Variants in CEACAM7 observed in about 807,000 individuals in gnomAD.
CEACAM7 encodes CEA cell adhesion molecule 7.
Under a neutral mutation model 25.7 loss-of-function variants are expected in CEACAM7, and 24 were observed. That is an observed-to-expected ratio of 0.93 (90% CI 0.68 to 1.31). The LOEUF is 1.31. Ranked by LOEUF, CEACAM7 falls within the 40% of genes most tolerant of loss-of-function variation. The pLI is 0.00. For synonymous variants in CEACAM7, 144 were observed against 129.4 expected (o/e 1.11, Z -0.77); for missense variants, 324 against 330.1 (o/e 0.98, Z 0.14).
At chr19:41,681,793 A>T (rs532194854) in intron 3 of CEACAM7, among the ~76,000 whole-genome samples, 1 of 152,350 alleles carries the variant, frequency 6.6e-6, no homozygotes, top group Non-Finnish European at 1.5e-5. Context: ...ACAGACAGAC[A>T]GAAAGTAGAA....
chr19:41,687,025 A>G lies in CEACAM7; in HGVS notation c.261T>C (p.Ser87=). 2 of 1,613,620 alleles carry G rather than the reference A, an allele frequency of 1.2e-6. No homozygotes were observed. Among genetic ancestry groups the G allele is most frequent in the Non-Finnish European group, 8.5e-7 (1 of 1,179,870 alleles). The part of the protein sequence containing the change: ...YRIIGYVKNI[S]QENAPGPAHN... ...GTGCGGGCCCTGGGGCATTTTCTTG[A>G]CTTATATTTTTTACATATCCTATAA... is the stretch of plus-strand genomic sequence containing the variant. Residue 87 remains serine (S), a synonymous_variant, in exon 2 of 5, where the codon AGT becomes AGC. Transcript: ENST00000401731.
At chr19:41,682,321 C>T (rs1342298712) in intron 3 of CEACAM7, among the ~76,000 whole-genome samples, 2 of 152,120 alleles carry the variant, frequency 1.3e-5, no homozygotes, top group Admixed American at 6.5e-5. Flanking sequence ...GTGGCTGGTA[C>T]TCTTATCCTC....
intron 3 of CEACAM7, among the ~76,000 whole-genome samples, chr19:41,678,315 ATATG>A (rs2072137366): frequency 0.011 from 388 of 34,140 alleles, 3 homozygotes; most frequent in African/African-American, 0.026. Flanking sequence ...TCTCCCATGT[ATATG>A]TATATGTATA....
chr19:41,687,071 C>G lies in CEACAM7; in HGVS notation c.215G>C (p.Arg72Thr). 1 of 1,614,086 alleles carries G rather than the reference C, an allele frequency of 6.2e-7. No individual in the cohort carries two copies. The highest frequency in any genetic ancestry group is 1.3e-5 in the African/African-American group (1 of 74,986). The stretch of plus-strand genomic sequence containing the variant: ...TATAATTCGATAGTTGGCATGCACC[C>G]TTTCCCCTTTGTACCAGTTGTAGCC... ...LYGYNWYKGE[R>T]VHANYRIIGY... The change falls in exon 2 of 5, where the codon AGG becomes ACG. Residue 72 changes from arginine to threonine, a missense_variant. Physicochemically the swap from Arg to Thr is moderately conservative, Grantham distance 71. Transcript: ENST00000401731.
At chr19:41,687,278 A>G in intron 1 of CEACAM7, 57 bp from the exon 2 acceptor site, 2 of 1,522,008 alleles carry the variant, frequency 1.3e-6, no homozygotes, top group Non-Finnish European at 1.8e-6. Flanking sequence ...GGGTGGAAAG[A>G]TGGGGCCCTG....
rs2072236792 is a variant in CEACAM7, at chr19:41,687,179, G to T, written c.107C>A (p.Thr36Asn). The part of the protein sequence containing the change: ...TFWNLPNSAQ[T>N]NIDVVPFNVA... The stretch of plus-strand genomic sequence containing the variant: ...ATTGAACGGCACGACATCAATATTG[G>T]TCTGGGCACTGTTTGGCAGGTTCCA... The change falls in exon 2 of 5, where the codon ACC (threonine) becomes AAC (asparagine). Residue 36 changes from threonine (T) to asparagine (N), a missense_variant. Thr to Asn is a moderately conservative substitution (Grantham distance 65). Coordinates refer to ENST00000401731, the MANE Select transcript of CEACAM7 (RefSeq NM_001291485.2). 5 of 1,612,390 alleles carry T rather than the reference G, an allele frequency of 3.1e-6. No individual in the cohort carries two copies. Among genetic ancestry groups the T allele is most frequent in the African/African-American group, 1.3e-5 (1 of 74,838 alleles).
intron 4 of CEACAM7, among the ~76,000 whole-genome samples, chr19:41,675,753 T>C (rs192643648): frequency 6.6e-6 from 1 of 152,344 alleles, no homozygotes; most frequent in Admixed American, 6.5e-5. Context: ...ATAGATTTGA[T>C]GATAATGACA....
intron 4 of CEACAM7, among the ~76,000 whole-genome samples, chr19:41,675,360 T>C (rs576658952): frequency 3.3e-5 from 5 of 152,188 alleles, no homozygotes; most frequent in Non-Finnish European, 7.4e-5. Flanking sequence ...AAAAGAAAAA[T>C]ATTCCTTCAA....
intron 2 of CEACAM7, among the ~76,000 whole-genome samples, chr19:41,684,770 G>C (rs545375283): frequency 1.3e-5 from 2 of 152,204 alleles, no homozygotes; most frequent in African/African-American, 4.8e-5. Context: ...GACAAATTAG[G>C]AGAAGAGATG....
At chr19:41,681,743 G>A (rs1352569904) in intron 3 of CEACAM7, among the ~76,000 whole-genome samples, 2 of 152,128 alleles carry the variant, frequency 1.3e-5, no homozygotes, top group Non-Finnish European at 2.9e-5. Flanking sequence ...TTTTGTATGA[G>A]TCTATTGATG....
Position 41,673,447 on chromosome 19 carries a change from A to G in CEACAM7, c.*1329T>C, listed in dbSNP as rs758419349. On this transcript the variant is annotated 3_prime_UTR_variant, in exon 5 of 5. Coordinates refer to ENST00000401731, the MANE Select transcript of CEACAM7 (RefSeq NM_001291485.2). ...GGAATCCAGGAACAGAAGAATATAAATAAATTGATTTAAATAAACTGATTG... is the reference window on the plus strand; with the variant it reads ...GGAATCCAGGAACAGAAGAATATAAGTAAATTGATTTAAATAAACTGATTG... The G allele has an allele frequency of 6.6e-6, 1 of 152,254 alleles. No homozygotes were observed. The highest frequency in any genetic ancestry group is 1.5e-5 in the Non-Finnish European group (1 of 68,046). The allele number at this position is 152,254 out of a possible 1,614,324, so 9.4% of individuals were successfully genotyped here.
chr19:41,684,123 A>G, intron 2 of CEACAM7, 60 bp from the exon 3 acceptor site: 3 of 1,573,704 alleles, frequency 1.9e-6, no homozygotes, highest in South Asian at 1.2e-5. Flanking sequence ...CCCCACGGAC[A>G]TCTTTCAATC....
At chr19:41,677,115 C>G (rs372900587) in intron 4 of CEACAM7, among the ~76,000 whole-genome samples, 1 of 152,072 alleles carries the variant, frequency 6.6e-6, no homozygotes, top group Non-Finnish European at 1.5e-5. Context: ...TAAAAAGGAC[C>G]AAGAAGCTTT....
intron 3 of CEACAM7, among the ~76,000 whole-genome samples, chr19:41,682,310 A>G (rs1224862703): frequency 6.6e-6 from 1 of 151,336 alleles, no homozygotes; most frequent in Non-Finnish European, 1.5e-5. Context: ...ATGAATATAT[A>G]GTGGCTGGTA....
chr19:41,682,128 A>G (rs538834711), intron 3 of CEACAM7, among the ~76,000 whole-genome samples: 2 of 152,254 alleles, frequency 1.3e-5, no homozygotes, highest in East Asian at 1.9e-4. Flanking sequence ...TTGGGAAGAC[A>G]GTGTTTCACC....
intron 3 of CEACAM7, 65 bp downstream of exon 3, chr19:41,683,720 C>T (rs928142700): frequency 6.3e-7 from 1 of 1,589,422 alleles, no homozygotes; most frequent in Non-Finnish European, 8.6e-7. Flanking sequence ...GACTAAGAGG[C>T]CTGGTCTCTG....
chr19:41,686,853 A>G lies in CEACAM7; in HGVS notation c.427+6T>C. On this transcript the variant is annotated splice_donor_region_variant and intron_variant, in intron 2 of 4. Coordinates refer to ENST00000401731, the MANE Select transcript of CEACAM7 (RefSeq NM_001291485.2). The stretch of plus-strand genomic sequence containing the variant: ...AGCACCCAGAAGTCATGGAGGTATC[A>G]CTCACAGAATACGTAGAATTGTCTG... 6.6e-7 allele frequency: 1 copy of G among 1,523,624 alleles called. No individual in the cohort carries two copies. The highest frequency in any genetic ancestry group is 8.8e-7 in the Non-Finnish European group (1 of 1,138,562). 94.4% of individuals were successfully genotyped at this position (1,523,624 alleles called of 1,614,324 possible). A position where few individuals can be genotyped will look rare whatever the true frequency, so the allele number is the denominator to read the frequency against.
At position 41,677,460 on chromosome 19, in the gene CEACAM7, G is replaced by A. The variant is rs376657999; in HGVS notation, c.750C>T (p.Thr250=). Residue 250 remains threonine, a synonymous_variant, in exon 4 of 5, where the codon ACC becomes ACT. Transcript: ENST00000401731. The stretch of plus-strand genomic sequence containing the variant: ...GTACTCCAATCATGATGCTGACAGC[G>A]GTCCCAGCTGAGAGGTCAGGTGAAC... ...QASSPDLSAG[T]AVSIMIGVLA... 504 of 1,613,884 alleles carry A rather than the reference G, an allele frequency of 3.1e-4. No homozygotes were observed. Among genetic ancestry groups the A allele is most frequent in the Non-Finnish European group, 3.9e-4 (464 of 1,179,906 alleles).
chr19:41,674,669 G>C lies in CEACAM7; in HGVS notation c.*107C>G. 3.0e-6 allele frequency: 1 copy of C among 332,732 alleles called. No homozygotes were observed. Among genetic ancestry groups the C allele is most frequent in the South Asian group, 2.6e-5 (1 of 38,990 alleles). The allele number at this position is 332,732 out of a possible 1,614,324, so 20.6% of individuals were successfully genotyped here. ...TCCAGCTTATAGGTCTTCAGGAAGA[G>C]AGCAGGTCTTATACTTAGTGATGCC... On this transcript the variant is annotated 3_prime_UTR_variant, in exon 5 of 5. Coordinates refer to ENST00000401731, the MANE Select transcript of CEACAM7 (RefSeq NM_001291485.2).
Sources: allele counts gnomAD v4.1 joint callset (sites outside exome capture counted in the v4.1 genomes callset), GRCh38; gene constraint gnomAD v4.1.1; transcripts MANE v1.5; gene names NCBI Gene and HGNC (gene_info 2026-07-23, HGNC 2026-07-21).